The following FAT3 variants were observed in gnomAD, a reference collection of about 807,000 sequenced individuals.
FAT3 encodes protocadherin Fat 3.
In FAT3, 95 loss-of-function variants were observed where a neutral mutation model predicts 310.2. The ratio of observed to expected loss-of-function variants is 0.31; its 90% CI spans 0.26 to 0.36. The LOEUF (loss-of-function observed/expected upper bound fraction) is 0.36, where lower values mean the gene tolerates loss of function less well. FAT3 is among the 10% of genes least tolerant of loss of function. The probability of loss-of-function intolerance (pLI) is 1.00; values close to 1 mark genes in which losing one functional copy is unlikely to be tolerated. For synonymous variants in FAT3, 2,314 were observed against 2,192.9 expected, an observed-to-expected ratio of 1.06 and a Z score of -1.54; for missense variants, 5,408 against 5,715.6, an observed-to-expected ratio of 0.95 and a Z score of 1.74.
chr11:92,648,012 G>A (rs1160394280), intron 3 of FAT3, among the ~76,000 whole-genome samples: 1 of 152,154 alleles, frequency 6.6e-6, no homozygotes, highest in South Asian at 2.1e-4. Context: ...AGGGATAGAA[G>A]AGCCGGAAAG....
chr11:92,883,299 C>T lies in FAT3; in HGVS notation c.12843C>T (p.Val4281=), dbSNP rs776392765. The part of the protein sequence containing the change: ...PRILTARRGV[V]VCSVAPNLPA... ...TCCTGACAGCCCGGCGGGGCGTGGT[C>T]GTGTGCAGTGTGGCCCCCAACCTCC... The change falls in exon 24 of 28, where the codon GTC becomes GTT. Residue 4281 remains valine (V), a synonymous_variant. Transcript: ENST00000525166. This position sits in a 1 kb window ranked among gnomAD's most constrained non-coding sequence, Gnocchi z 4.2. 2 of 1,612,466 alleles carry T rather than the reference C, an allele frequency of 1.2e-6. No individual in the cohort carries two copies. The highest frequency in any genetic ancestry group is 1.7e-6 in the Non-Finnish European group (2 of 1,179,826).
At chr11:92,669,454 G>A (rs945359171) in intron 3 of FAT3, among the ~76,000 whole-genome samples, 2 of 152,224 alleles carry the variant, frequency 1.3e-5, no homozygotes, top group African/African-American at 4.8e-5. Context: ...AAGCCTGTGT[G>A]CATTGCGTTT....
intron 3 of FAT3, among the ~76,000 whole-genome samples, chr11:92,585,599 A>G (rs1939100219): frequency 6.6e-6 from 1 of 152,022 alleles, no homozygotes; most frequent in Admixed American, 6.6e-5. Flanking sequence ...GTTAATCCCT[A>G]TAGCAGTCTC....
chr11:92,381,764 G>GA (rs1164150915), intron 2 of FAT3, among the ~76,000 whole-genome samples: 2 of 151,962 alleles, frequency 1.3e-5, no homozygotes, highest in African/African-American at 4.8e-5. Flanking sequence ...CAGGAAAAAT[G>GA]AAAAAATTAT....
At chr11:92,319,501 A>C (rs1317348202) in intron 1 of FAT3, among the ~76,000 whole-genome samples, 1 of 152,236 alleles carries the variant, frequency 6.6e-6, no homozygotes, top group Admixed American at 6.5e-5. Context: ...AAACTACTTT[A>C]ATCTCTCTGT....
At chr11:92,463,400 G>C (rs1041135107) in intron 2 of FAT3, among the ~76,000 whole-genome samples, 2 of 152,176 alleles carry the variant, frequency 1.3e-5, no homozygotes, top group African/African-American at 4.8e-5. Flanking sequence ...AGGTCTGCCA[G>C]CTGACAGCGT....
At chr11:92,549,359 A>G (rs503228) in intron 3 of FAT3, among the ~76,000 whole-genome samples, 61,559 of 151,872 alleles carry the variant, frequency 0.41, 12,903 homozygotes, top group Middle Eastern at 0.53. Context: ...TGCTTTAATC[A>G]TAAAGGAATC....
chr11:92,725,955 T>C (rs1944984913), intron 4 of FAT3, among the ~76,000 whole-genome samples: 1 of 152,122 alleles, frequency 6.6e-6, no homozygotes, highest in African/African-American at 2.4e-5. Flanking sequence ...TAAAAGCATG[T>C]TTAATCAGTT....
intron 13 of FAT3, among the ~76,000 whole-genome samples, chr11:92,825,933 T>G (rs207472182): frequency 2.6e-5 from 4 of 152,160 alleles, no homozygotes; most frequent in Admixed American, 2.6e-4. Flanking sequence ...TTCCAATTTA[T>G]GTGAGAGAGG....
At chr11:92,773,331 G>C (rs1309523464) in intron 6 of FAT3, among the ~76,000 whole-genome samples, 1 of 152,148 alleles carries the variant, frequency 6.6e-6, no homozygotes, top group Non-Finnish European at 1.5e-5. Flanking sequence ...AAATTGTTTT[G>C]TAATTTGGTG....
At chr11:92,881,851 T>G (rs569552423) in intron 23 of FAT3, among the ~76,000 whole-genome samples, 13 of 152,360 alleles carry the variant, frequency 8.5e-5, no homozygotes, top group Non-Finnish European at 1.9e-4. Context: ...TTAATTATTT[T>G]TCATTAGAAT....
intron 3 of FAT3, among the ~76,000 whole-genome samples, chr11:92,689,341 A>G (rs1308700138): frequency 2.0e-5 from 3 of 152,172 alleles, no homozygotes; most frequent in Admixed American, 6.5e-5. Flanking sequence ...TATGAAAAAA[A>G]TCTTGGCAGA....
intron 2 of FAT3, among the ~76,000 whole-genome samples, chr11:92,472,031 G>T (rs1311805941): frequency 6.7e-6 from 1 of 149,288 alleles, no homozygotes; most frequent in Non-Finnish European, 1.5e-5. Flanking sequence ...AAATGCAAAA[G>T]ATTATTAGGT....
At chr11:92,461,705 G>A (rs1290580415) in intron 2 of FAT3, among the ~76,000 whole-genome samples, 2 of 152,134 alleles carry the variant, frequency 1.3e-5, no homozygotes, top group Non-Finnish European at 2.9e-5. Flanking sequence ...TAAGGCAGGA[G>A]GTGAGGCACA....
chr11:92,889,179 T>C lies in FAT3; in HGVS notation c.13052-10T>C. 7.0e-6 allele frequency: 5 copies of C among 710,830 alleles called. No homozygotes were observed. In the Admixed American group the frequency reaches 1.0e-4, roughly 15 times the overall value. 44.0% of individuals were successfully genotyped at this position (710,830 alleles called of 1,614,324 possible). A position where few individuals can be genotyped will look rare whatever the true frequency, so the allele number is the denominator to read the frequency against. On this transcript the variant is annotated splice_polypyrimidine_tract_variant and intron_variant, in intron 25 of 27. Transcript: ENST00000525166. Reference sequence around the variant, plus strand: ...TTCCCCTACCTCCGACTTCTTTTCCTGACCACAAGCCTCCATAGTGACTGT... The same window carrying C: ...TTCCCCTACCTCCGACTTCTTTTCCCGACCACAAGCCTCCATAGTGACTGT...
intron 4 of FAT3, among the ~76,000 whole-genome samples, chr11:92,718,099 C>T (rs117584654): frequency 3.1e-4 from 47 of 152,226 alleles, no homozygotes; most frequent in Admixed American, 7.2e-4. Flanking sequence ...AGCTCAGCCC[C>T]AAGAGACCTG....
chr11:92,716,456 G>T (rs1303218405), intron 4 of FAT3, among the ~76,000 whole-genome samples: 1 of 141,726 alleles, frequency 7.1e-6, no homozygotes, highest in African/African-American at 2.6e-5. Context: ...TTCCAGTGCA[G>T]AAAAAAAAAA....
At chr11:92,402,834 T>A (rs1465934639) in intron 2 of FAT3, among the ~76,000 whole-genome samples, 5 of 139,116 alleles carry the variant, frequency 3.6e-5, no homozygotes, top group African/African-American at 8.0e-5. Context: ...GCAGAATAAG[T>A]ATCAAAAACC....
intron 9 of FAT3, among the ~76,000 whole-genome samples, chr11:92,794,185 G>A (rs892064008): frequency 4.0e-5 from 6 of 151,830 alleles, no homozygotes; most frequent in African/African-American, 1.5e-4. Flanking sequence ...ATTTTTCACA[G>A]GACATTTTTA....
Sources: allele counts gnomAD v4.1 joint callset (sites outside exome capture counted in the v4.1 genomes callset), GRCh38; gene constraint gnomAD v4.1.1; non-coding constraint Gnocchi (gnomAD v3.1); transcripts MANE v1.5; gene names NCBI Gene and HGNC (gene_info 2026-07-23, HGNC 2026-07-21).